The following MTOR variants were observed in gnomAD, a reference collection of about 807,000 sequenced individuals.
The protein encoded by MTOR is mechanistic target of rapamycin kinase, also known as serine/threonine-protein kinase mTOR.
A neutral mutation model predicts 319.8 loss-of-function variants in MTOR; 70 were observed. The observed-to-expected ratio is 0.22, with a 90% CI of 0.18 to 0.27. The LOEUF is 0.27. Ranked by LOEUF, MTOR falls within the 10% of genes least tolerant of loss-of-function variation. The pLI is 1.00. For missense variants in MTOR, 1,890 were observed against 3,274.4 expected, an observed-to-expected ratio of 0.58 and a Z score of 10.32; for synonymous variants, 1,183 against 1,211.4, an observed-to-expected ratio of 0.98 and a Z score of 0.49.
At chr1:11,114,741 C>T (rs1263884193) in intron 52 of MTOR, 72 bp downstream of exon 52, 2 of 1,454,916 alleles carry the variant, frequency 1.4e-6, no homozygotes, top group African/African-American at 1.4e-5. Flanking sequence ...TGGGCTCTAA[C>T]AAGCGTGTTC....
intron 28 of MTOR, among the ~76,000 whole-genome samples, chr1:11,184,045 G>C (rs1319224261): frequency 1.3e-5 from 2 of 152,186 alleles, no homozygotes; most frequent in Non-Finnish European, 2.9e-5. Flanking sequence ...TGTCACTACT[G>C]TACTGCCTTA....
At chr1:11,130,824 A>G (rs1159360658) in intron 38 of MTOR, 47 bp from the exon 39 acceptor site, 6 of 1,538,598 alleles carry the variant, frequency 3.9e-6, no homozygotes, top group Middle Eastern at 1.7e-4. Flanking sequence ...TGTGACCAAC[A>G]GCAGGGCTCA....
intron 46 of MTOR, among the ~76,000 whole-genome samples, chr1:11,125,000 TACTGGC>T (rs139027600): frequency 0.059 from 8,990 of 152,150 alleles, 366 homozygotes; most frequent in South Asian, 0.12. Flanking sequence ...GGTGGAAGGG[TACTGGC>T]AGGAGGTCAG....
intron 16 of MTOR, among the ~76,000 whole-genome samples, chr1:11,232,224 T>A (rs1313831964): frequency 2.0e-5 from 3 of 152,256 alleles, no homozygotes; most frequent in Non-Finnish European, 4.4e-5. Context: ...TCAGCCCCGA[T>A]AATTACTGAA....
chr1:11,204,798 T>TATAAAATCCATCTTTCACG, intron 25 of MTOR, 95 bp from the exon 26 acceptor site: 1 of 1,361,118 alleles, frequency 7.3e-7, no homozygotes, highest in Non-Finnish European at 9.9e-7. Flanking sequence ...CTTTTAGATT[T>TATAAAATCCATCTTTCACG]ATAAAATCCA....
chr1:11,257,548 G>C (rs1348276149), intron 3 of MTOR, among the ~76,000 whole-genome samples: 2 of 130,456 alleles, frequency 1.5e-5, no homozygotes, highest in Non-Finnish European at 3.2e-5. Context: ...GGGCGACAGA[G>C]TGAGACTCTG....
At chr1:11,185,998 G>A (rs191070148) in intron 28 of MTOR, among the ~76,000 whole-genome samples, 1,679 of 150,702 alleles carry the variant, frequency 0.011, 65 homozygotes, top group South Asian at 0.065. Context: ...AGGAGAATTG[G>A]CGTGAACCCG....
chr1:11,126,918 A>G (rs1019312685), intron 45 of MTOR, 92 bp downstream of exon 45: 2 of 1,575,598 alleles, frequency 1.3e-6, no homozygotes, highest in Non-Finnish European at 1.7e-6. Context: ...GTAAAACCAG[A>G]TGCTTTGGAA....
Position 11,199,728 on chromosome 1 carries a change from G to A in MTOR, c.3945-25C>T. The A allele has an allele frequency of 1.2e-6, 2 of 1,612,102 alleles. No homozygotes were observed. The highest frequency in any genetic ancestry group is 1.7e-6 in the Non-Finnish European group (2 of 1,178,714). On this transcript the variant is annotated intron_variant, in intron 26 of 57. Coordinates refer to ENST00000361445, the MANE Select transcript of MTOR (RefSeq NM_004958.4). This position sits in a 1 kb window ranked among gnomAD's most constrained non-coding sequence, Gnocchi z 4.5. ...CCTGAAGGCAGAGAAGGTGGAAAATGGAGAGACCTCCCGTGCCTCTGCCTG... is the reference window on the plus strand; with the variant it reads ...CCTGAAGGCAGAGAAGGTGGAAAATAGAGAGACCTCCCGTGCCTCTGCCTG...
chr1:11,189,878 G>T lies in MTOR; in HGVS notation c.4253+9380C>A, dbSNP rs143359087. 3.8e-5 allele frequency: 62 copies of T among 1,614,076 alleles called. No individual in the cohort carries two copies. In the African/African-American group the frequency reaches 4.7e-4, roughly 12 times the overall value. The stretch of plus-strand genomic sequence containing the variant: ...GAGTCGCGGCTCACAGATGCTGAGA[G>T]CAAGTACTCCGAGATGAACAACCAA... On this transcript the variant is annotated intron_variant, in intron 28 of 57. Coordinates refer to ENST00000361445, the MANE Select transcript of MTOR (RefSeq NM_004958.4).
Position 11,107,259 on chromosome 1 carries a change from A to C in MTOR, c.*226T>G. On this transcript the variant is annotated 3_prime_UTR_variant, in exon 58 of 58. Transcript: ENST00000361445. Reference sequence around the variant, plus strand: ...GATTTACGTGGTATTACTATGTTTCACTGTCCTGGGAACCAAATCAAGCCT... The same window carrying C: ...GATTTACGTGGTATTACTATGTTTCCCTGTCCTGGGAACCAAATCAAGCCT... 7.0e-7 allele frequency: 1 copy of C among 1,436,896 alleles called. No homozygotes were observed. The highest frequency in any genetic ancestry group is 9.2e-7 in the Non-Finnish European group (1 of 1,090,702). The allele number at this position is 1,436,896 out of a possible 1,614,324, so 89.0% of individuals were successfully genotyped here.
Position 11,227,297 on chromosome 1 carries a change from C to CAAAAA in MTOR, c.3030+1366_3030+1370dup, listed in dbSNP as rs59546882. Among the ~76,000 whole-genome samples, 84 of 74,008 alleles carry CAAAAA rather than the reference C, an allele frequency of 1.1e-3. 1 individual carries two copies. Among genetic ancestry groups the CAAAAA allele is most frequent in the South Asian group, 2.3e-3 (5 of 2,208 alleles). The allele number at this position is 74,008 out of a possible 152,430, so 48.6% of individuals were successfully genotyped here. Reference sequence around the variant, plus strand: ...TGGGCAACAAAGTGAGACTTTGTCTCAAAAAAAAAAAAAAAAAAAAAAAAA... The same window carrying CAAAAA: ...TGGGCAACAAAGTGAGACTTTGTCTCAAAAAAAAAAAAAAAAAAAAAAAAAAAAAA... On this transcript the variant is annotated intron_variant, in intron 19 of 57. Transcript: ENST00000361445.
intron 6 of MTOR, among the ~76,000 whole-genome samples, chr1:11,250,480 C>T (rs893561181): frequency 9.8e-5 from 15 of 152,296 alleles, no homozygotes; most frequent in African/African-American, 3.6e-4. Flanking sequence ...GCCCTTTCTT[C>T]ACCTGGCTTC....
chr1:11,225,518 T>C (rs1646805024), intron 19 of MTOR, among the ~76,000 whole-genome samples: 1 of 151,304 alleles, frequency 6.6e-6, no homozygotes, highest in African/African-American at 2.4e-5. Flanking sequence ...ACCTCCCAGA[T>C]TCAAGCGATT....
Position 11,128,371 on chromosome 1 carries a change from G to T in MTOR, c.5910+83C>A. The T allele has an allele frequency of 7.1e-7, 1 of 1,416,806 alleles. No individual in the cohort carries two copies. Among genetic ancestry groups the T allele is most frequent in the Non-Finnish European group, 9.9e-7 (1 of 1,007,654 alleles). The allele number at this position is 1,416,806 out of a possible 1,614,324, so 87.8% of individuals were successfully genotyped here. On this transcript the variant is annotated intron_variant, in intron 42 of 57. Transcript: ENST00000361445. The surrounding 1 kb of genome is among the most constrained non-coding windows in gnomAD (Gnocchi z 5.3). The stretch of plus-strand genomic sequence containing the variant: ...GGAACACATGGCTCCCAGTTCCTGC[G>T]CTTGTGTCGCCAGGGCAGCTTTTGG...
intron 34 of MTOR, among the ~76,000 whole-genome samples, chr1:11,140,395 G>A (rs924573258): frequency 6.6e-6 from 1 of 152,124 alleles, no homozygotes; most frequent in African/African-American, 2.4e-5. Flanking sequence ...CCTTGCATGC[G>A]CAGTTCATAA....
At position 11,121,504 on chromosome 1, in the gene MTOR, G is replaced by T; in HGVS notation, c.6811-136C>A. On this transcript the variant is annotated intron_variant, in intron 48 of 57. Transcript: ENST00000361445. The surrounding 1 kb of genome is among the most constrained non-coding windows in gnomAD (Gnocchi z 4.9). ...CATAGCCAAAGGAGAAGGGAAATAA[G>T]AACATGGCAAAAGGAGAAACGAAGT... 8.1e-7 allele frequency: 1 copy of T among 1,230,452 alleles called. No individual in the cohort carries two copies. The highest frequency in any genetic ancestry group is 1.1e-6 in the Non-Finnish European group (1 of 888,936). 76.2% of individuals were successfully genotyped at this position (1,230,452 alleles called of 1,614,324 possible).
intron 28 of MTOR, among the ~76,000 whole-genome samples, chr1:11,197,082 G>A (rs1029641352): frequency 6.6e-6 from 1 of 152,054 alleles, no homozygotes; most frequent in East Asian, 1.9e-4. Flanking sequence ...AAGATGTCTG[G>A]AATTTGTTGG....
rs541822280 is a variant in MTOR at position 11,258,587 on chromosome 1, G to A, written c.169C>T (p.Gln57Ter). The A allele has an allele frequency of 6.2e-7, 1 of 1,610,458 alleles. No individual in the cohort carries two copies. The highest frequency in any genetic ancestry group is 1.3e-5 in the African/African-American group (1 of 74,940). The change falls in exon 3 of 58, where the codon CAA (glutamine) becomes TAA (stop). Residue 57 changes from glutamine (Q) to a stop codon, truncating the protein, a stop_gained. Coordinates refer to ENST00000361445, the MANE Select transcript of MTOR (RefSeq NM_004958.4). LOFTEE classifies it high-confidence loss of function. The stretch of plus-strand genomic sequence containing the variant: ...TCATAGAAGCGAGTAGACTCCTCTT[G>A]ACTCATCTGCAAAAGAAGATATAAT... Reference protein sequence around the residue: ...YVTMELREMSQEESTRFYDQL... With the variant: ...YVTMELREMS
Sources: gnomAD v4.1 joint callset for allele counts (sites outside exome capture counted in the v4.1 genomes callset) on GRCh38, gnomAD v4.1.1 for gene constraint, Gnocchi (gnomAD v3.1) non-coding constraint, MANE v1.5 for transcripts, NCBI Gene and HGNC (gene_info 2026-07-23, HGNC 2026-07-21) for gene names.